Variants in CCDC175 observed in about 807,000 individuals in gnomAD.
CCDC175 encodes the protein coiled-coil domain containing 175, also known as coiled-coil domain-containing protein 175.
A neutral mutation model predicts 114.6 loss-of-function variants in CCDC175; 100 were observed. The observed-to-expected ratio is 0.87, with a 90% CI of 0.74 to 1.03. The LOEUF (loss-of-function observed/expected upper bound fraction) is 1.03. Among genes scored for constraint, CCDC175 ranks in the 50% least tolerant of loss-of-function variants. CCDC175 has a pLI of 0.00. For synonymous variants in CCDC175, 306 were observed against 308.7 expected, an observed-to-expected ratio of 0.99 and a Z score of 0.09; for missense variants, 880 against 917.8, an observed-to-expected ratio of 0.96 and a Z score of 0.53.
chr14:59,552,073 A>G (rs903056796), intron 7 of CCDC175, among the ~76,000 whole-genome samples: 1 of 152,222 alleles, frequency 6.6e-6, no homozygotes, highest in Non-Finnish European at 1.5e-5. Flanking sequence ...GGCAGCAGAA[A>G]CCTCTGCAGA....
intron 4 of CCDC175, among the ~76,000 whole-genome samples, chr14:59,567,057 A>G (rs8017907): frequency 0.54 from 82,688 of 152,158 alleles, 23,543 homozygotes; most frequent in East Asian, 0.82. Flanking sequence ...AGCCCTCCAG[A>G]TGATTCTGAT....
chr14:59,548,565 A>T (rs1255549927), intron 8 of CCDC175, among the ~76,000 whole-genome samples: 1 of 152,206 alleles, frequency 6.6e-6, no homozygotes, highest in Non-Finnish European at 1.5e-5. Flanking sequence ...GACTGTTCAG[A>T]AAATCATGTG....
chr14:59,576,748 G>A lies in CCDC175; in HGVS notation c.28C>T (p.Leu10=). The change falls in exon 1 of 20, where the codon CTG becomes TTG. Residue 10 remains leucine, a synonymous_variant. Coordinates refer to ENST00000537690, the MANE Select transcript of CCDC175 (RefSeq NM_001164399.2). MALSPWTPG[L]GAGEKLVQAA... ...TGCACCAGCTTCTCGCCAGCGCCCA[G>A]CCCTGGGGTCCAGGGGCTCAGGGCC... is the stretch of plus-strand genomic sequence containing the variant. The A allele has an allele frequency of 6.8e-7, 1 of 1,470,468 alleles. No individual in the cohort carries two copies. The highest frequency in any genetic ancestry group is 8.9e-7 in the Non-Finnish European group (1 of 1,121,066). 91.1% of individuals were successfully genotyped at this position (1,470,468 alleles called of 1,614,324 possible).
At chr14:59,566,219 AAGGAAGACCTTAAGATTGTCTG>A (rs375121310) in intron 4 of CCDC175, among the ~76,000 whole-genome samples, 10 of 152,332 alleles carry the variant, frequency 6.6e-5, no homozygotes, top group Middle Eastern at 3.4e-3. Context: ...GTGTCCATCT[AAGGAAGACCTTAAGATTGTCTG>A]AGGAAGACCT....
chr14:59,550,945 T>A (rs1189606012), intron 8 of CCDC175, among the ~76,000 whole-genome samples: 1 of 152,210 alleles, frequency 6.6e-6, no homozygotes, highest in East Asian at 1.9e-4. Flanking sequence ...AAGTTGACAC[T>A]CAGTATTAAC....
chr14:59,557,218 G>A (rs1277634365), intron 7 of CCDC175, among the ~76,000 whole-genome samples: 24 of 152,102 alleles, frequency 1.6e-4, no homozygotes, highest in Admixed American at 6.5e-4. Flanking sequence ...AACCAACCCG[G>A]ATGTCCATCA....
At chr14:59,564,917 T>G in intron 5 of CCDC175, 130 bp downstream of exon 5, 1 of 674,812 alleles carries the variant, frequency 1.5e-6, no homozygotes, top group Non-Finnish European at 2.5e-6. Context: ...CTCATCCCGT[T>G]TTCCCAGCGC....
At chr14:59,513,771 T>A (rs1892888613) in intron 17 of CCDC175, among the ~76,000 whole-genome samples, 1 of 152,168 alleles carries the variant, frequency 6.6e-6, no homozygotes, top group South Asian at 2.1e-4. Flanking sequence ...GGCAGCAGAA[T>A]CCTCTGCAGA....
At chr14:59,525,620 G>A (rs979526497) in intron 15 of CCDC175, among the ~76,000 whole-genome samples, 186 bp from the exon 16 acceptor site, 4 of 152,118 alleles carry the variant, frequency 2.6e-5, no homozygotes, top group Admixed American at 2.6e-4. Context: ...TAGGAAGGGG[G>A]TCTGTGGACT....
chr14:59,510,952 C>G, intron 18 of CCDC175, 144 bp from the exon 19 acceptor site: 1 of 672,948 alleles, frequency 1.5e-6, no homozygotes, highest in Admixed American at 3.0e-5. Flanking sequence ...GTGTACACAG[C>G]CAATTCACAA....
intron 7 of CCDC175, among the ~76,000 whole-genome samples, chr14:59,555,810 A>C (rs1041295957): frequency 4.6e-5 from 7 of 152,204 alleles, no homozygotes; most frequent in African/African-American, 9.6e-5. Context: ...AAGCATTCTT[A>C]TATACCAATA....
At chr14:59,557,823 C>G (rs77600647) in intron 7 of CCDC175, among the ~76,000 whole-genome samples, 1 of 152,090 alleles carries the variant, frequency 6.6e-6, no homozygotes, top group African/African-American at 2.4e-5. Flanking sequence ...TGAACACATA[C>G]GCTGCCAGAT....
intron 3 of CCDC175, among the ~76,000 whole-genome samples, chr14:59,569,081 A>G (rs890745946): frequency 1.3e-5 from 2 of 152,250 alleles, no homozygotes; most frequent in African/African-American, 4.8e-5. Flanking sequence ...GTAATCACGT[A>G]TGACTTCAAA....
intron 7 of CCDC175, among the ~76,000 whole-genome samples, chr14:59,555,785 A>C (rs1490108627): frequency 6.6e-6 from 1 of 152,236 alleles, no homozygotes; most frequent in Non-Finnish European, 1.5e-5. Context: ...TACAAAATCA[A>C]TGTGCAAAAA....
chr14:59,526,971 T>C (rs1893780315), intron 15 of CCDC175, 124 bp downstream of exon 15: 1 of 549,660 alleles, frequency 1.8e-6, no homozygotes, highest in Non-Finnish European at 3.1e-6. Context: ...AACATTGATA[T>C]TGAATGGGTA....
At chr14:59,523,392 A>G (rs1221034686) in intron 16 of CCDC175, among the ~76,000 whole-genome samples, 1 of 152,194 alleles carries the variant, frequency 6.6e-6, no homozygotes, top group Admixed American at 6.5e-5. Context: ...GAAAAAAATT[A>G]CCCAGCGAGG....
At chr14:59,542,961 T>C (rs1346394150) in intron 10 of CCDC175, among the ~76,000 whole-genome samples, 1 of 152,176 alleles carries the variant, frequency 6.6e-6, no homozygotes, top group East Asian at 1.9e-4. Flanking sequence ...ATTCTCTAAG[T>C]TATGCATTTT....
At chr14:59,552,716 G>A (rs1895604942) in intron 7 of CCDC175, among the ~76,000 whole-genome samples, 2 of 152,080 alleles carry the variant, frequency 1.3e-5, no homozygotes, top group South Asian at 2.1e-4. Flanking sequence ...TAAAAACCTC[G>A]AAAAAAGATT....
chr14:59,515,111 A>C (rs1892996034), intron 17 of CCDC175, among the ~76,000 whole-genome samples: 1 of 152,232 alleles, frequency 6.6e-6, no homozygotes, highest in African/African-American at 2.4e-5. Context: ...TAGACAAGCA[A>C]ATGATGAGAG....
Sources: allele counts gnomAD v4.1 joint callset (sites outside exome capture counted in the v4.1 genomes callset), GRCh38; gene constraint gnomAD v4.1.1; transcripts MANE v1.5; gene names NCBI Gene and HGNC (gene_info 2026-07-23, HGNC 2026-07-21).